BNC2: variants seen among roughly 807,000 people sequenced by gnomAD.
BNC2 encodes the protein basonuclin zinc finger protein 2.
Under a neutral mutation model 76.3 loss-of-function variants are expected in BNC2, and 20 were observed. The observed-to-expected ratio is 0.26, with a 90% CI of 0.18 to 0.38. The LOEUF (loss-of-function observed/expected upper bound fraction) is 0.38. BNC2 is among the 10% of genes least tolerant of loss of function. BNC2 has a pLI of 1.00. For synonymous variants in BNC2, 582 were observed against 514.8 expected (o/e 1.13, Z -1.77); for missense variants, 1,382 against 1,399.8 (o/e 0.99, Z 0.20).
intron 3 of BNC2, among the ~76,000 whole-genome samples, chr9:16,667,379 GAGATT>G (rs1052495942): frequency 7.9e-5 from 12 of 152,130 alleles, no homozygotes; most frequent in African/African-American, 2.9e-4. Flanking sequence ...CTCCTCAACT[GAGATT>G]AGGTGGTAAA....
chr9:16,856,941 T>C (rs1177129052), intron 1 of BNC2, among the ~76,000 whole-genome samples: 1 of 152,186 alleles, frequency 6.6e-6, no homozygotes, highest in Non-Finnish European at 1.5e-5. Context: ...AATGTATTGT[T>C]TCAGTTACTT....
chr9:16,711,152 GAAGA>G (rs1352904005), intron 3 of BNC2, among the ~76,000 whole-genome samples: 3 of 152,128 alleles, frequency 2.0e-5, no homozygotes, highest in African/African-American at 4.8e-5. Context: ...GTGGCAAGGG[GAAGA>G]AAGAAAGAGA....
chr9:16,485,253 T>TTGTATTG (rs1264745110), intron 5 of BNC2, among the ~76,000 whole-genome samples: 1 of 152,168 alleles, frequency 6.6e-6, no homozygotes, highest in Non-Finnish European at 1.5e-5. Flanking sequence ...TTGTTCTGAA[T>TTGTATTG]TGGAAAAAGA....
intron 5 of BNC2, among the ~76,000 whole-genome samples, chr9:16,478,736 C>T (rs1434683691): frequency 6.6e-6 from 1 of 152,054 alleles, no homozygotes; most frequent in African/African-American, 2.4e-5. Context: ...CCATATTAAC[C>T]ATACAGCTGC....
intron 3 of BNC2, among the ~76,000 whole-genome samples, chr9:16,683,627 A>G (rs1822889313): frequency 6.6e-6 from 1 of 152,250 alleles, no homozygotes; most frequent in South Asian, 2.1e-4. Flanking sequence ...AGGACACATG[A>G]CATGGCAAGA....
At chr9:16,810,937 G>C (rs1285482527) in intron 1 of BNC2, among the ~76,000 whole-genome samples, 2 of 152,120 alleles carry the variant, frequency 1.3e-5, no homozygotes, top group Non-Finnish European at 2.9e-5. Context: ...CAGTGTACAG[G>C]GGCCAGCGCA....
chr9:16,761,623 G>C (rs10810617), intron 1 of BNC2, among the ~76,000 whole-genome samples: 1 of 152,042 alleles, frequency 6.6e-6, no homozygotes, highest in Non-Finnish European at 1.5e-5. Flanking sequence ...CAACATACTC[G>C]TAAGTTCAGG....
At chr9:16,485,302 C>T (rs1038646514) in intron 5 of BNC2, among the ~76,000 whole-genome samples, 4 of 152,186 alleles carry the variant, frequency 2.6e-5, no homozygotes, top group Non-Finnish European at 5.9e-5. Flanking sequence ...TTCCACTCAT[C>T]TCCCACTAAC....
At chr9:16,593,577 T>G (rs937026489) in intron 3 of BNC2, among the ~76,000 whole-genome samples, 8 of 152,008 alleles carry the variant, frequency 5.3e-5, no homozygotes, top group African/African-American at 1.7e-4. Flanking sequence ...TGATAATACA[T>G]GCGATTTTGT....
chr9:16,734,194 C>T (rs1450125451), intron 2 of BNC2, among the ~76,000 whole-genome samples: 1 of 152,194 alleles, frequency 6.6e-6, no homozygotes, highest in Non-Finnish European at 1.5e-5. Flanking sequence ...CATGTTGATG[C>T]ATGCACGCCA....
chr9:16,688,461 C>A (rs1823043592), intron 3 of BNC2, among the ~76,000 whole-genome samples: 1 of 152,078 alleles, frequency 6.6e-6, no homozygotes, highest in Admixed American at 6.5e-5. Context: ...GTGTGCCTAA[C>A]CATTATTTAA....
At chr9:16,633,127 T>C (rs575333952) in intron 3 of BNC2, among the ~76,000 whole-genome samples, 1 of 152,330 alleles carries the variant, frequency 6.6e-6, no homozygotes, top group Admixed American at 6.5e-5. Context: ...TTTAAAATTA[T>C]CCATAATTTT....
chr9:16,544,402 A>G (rs1818410261), intron 5 of BNC2, among the ~76,000 whole-genome samples: 1 of 152,230 alleles, frequency 6.6e-6, no homozygotes, highest in African/African-American at 2.4e-5. Flanking sequence ...TAGATACTCT[A>G]ATCATTTAAA....
chr9:16,691,504 CTTTTTTTTT>C (rs71327842), intron 3 of BNC2, among the ~76,000 whole-genome samples: 3 of 113,232 alleles, frequency 2.6e-5, no homozygotes, highest in Admixed American at 9.4e-5. Context: ...GGTATGGGTT[CTTTTTTTTT>C]TTTTTTTTTT....
chr9:16,770,545 A>T (rs1418898779), intron 1 of BNC2, among the ~76,000 whole-genome samples: 29 of 152,164 alleles, frequency 1.9e-4, no homozygotes, highest in Admixed American at 1.9e-3. Context: ...GAGTTTACCC[A>T]CAATGACCAT....
At chr9:16,837,889 T>C (rs753468166) in intron 1 of BNC2, among the ~76,000 whole-genome samples, 11 of 151,842 alleles carry the variant, frequency 7.2e-5, no homozygotes, top group Non-Finnish European at 1.3e-4. Flanking sequence ...GATCATACCA[T>C]TGCACTCCAG....
At chr9:16,603,165 G>A (rs537194519) in intron 3 of BNC2, among the ~76,000 whole-genome samples, 10 of 152,240 alleles carry the variant, frequency 6.6e-5, no homozygotes, top group African/African-American at 2.4e-4. Flanking sequence ...TCCTTCCTTG[G>A]TCCAGGAAGC....
chr9:16,570,354 C>T (rs1209068808), intron 4 of BNC2, among the ~76,000 whole-genome samples: 1 of 152,164 alleles, frequency 6.6e-6, no homozygotes, highest in African/African-American at 2.4e-5. Context: ...CTCCTTCCCC[C>T]AGTAATTCAG....
chr9:16,644,746 T>G (rs1036868017), intron 3 of BNC2, among the ~76,000 whole-genome samples: 1 of 152,190 alleles, frequency 6.6e-6, no homozygotes, highest in Non-Finnish European at 1.5e-5. Flanking sequence ...ATATCAAACA[T>G]TGCACAGCCA....
Sources: allele counts gnomAD v4.1 joint callset (sites outside exome capture counted in the v4.1 genomes callset), GRCh38; gene constraint gnomAD v4.1.1; transcripts MANE v1.5; gene names NCBI Gene and HGNC (gene_info 2026-07-23, HGNC 2026-07-21).